KHDRBS2: variants seen among roughly 807,000 people sequenced by gnomAD.
KHDRBS2 encodes KH domain-containing, RNA-binding, signal transduction-associated protein 2.
A neutral mutation model predicts 44.3 loss-of-function variants in KHDRBS2; 26 were observed. The observed-to-expected ratio is 0.59, with a 90% confidence interval of 0.43 to 0.81. The LOEUF is 0.81. Ranked by LOEUF, KHDRBS2 falls within the 40% of genes least tolerant of loss-of-function variation. The pLI is 0.00. For synonymous variants in KHDRBS2, 194 were observed against 151.1 expected, an observed-to-expected ratio of 1.28 and a Z score of -2.08; for missense variants, 476 against 433.1, an observed-to-expected ratio of 1.10 and a Z score of -0.88.
At chr6:62,114,790 C>T (rs1348565162) in intron 2 of KHDRBS2, among the ~76,000 whole-genome samples, 3 of 151,994 alleles carry the variant, frequency 2.0e-5, no homozygotes, top group African/African-American at 4.8e-5. Context: ...CCCTCAACCA[C>T]CCCAATTTTA....
At chr6:61,885,108 C>A (rs1325925516) in intron 6 of KHDRBS2, among the ~76,000 whole-genome samples, 1 of 151,974 alleles carries the variant, frequency 6.6e-6, no homozygotes, top group East Asian at 1.9e-4. Flanking sequence ...TATAGAATTT[C>A]TGTTTTATTA....
At chr6:61,826,516 G>C (rs1482112248) in intron 6 of KHDRBS2, among the ~76,000 whole-genome samples, 1 of 151,894 alleles carries the variant, frequency 6.6e-6, no homozygotes, top group Non-Finnish European at 1.5e-5. Flanking sequence ...AAAGCTTCCT[G>C]CTGTTACTGG....
chr6:61,771,231 C>T (rs1202093295), intron 6 of KHDRBS2, among the ~76,000 whole-genome samples: 1 of 152,206 alleles, frequency 6.6e-6, no homozygotes, highest in Non-Finnish European at 1.5e-5. Context: ...ACTGCAAAAA[C>T]ATGCCAAATC....
chr6:62,138,287 G>A (rs1370458089), intron 2 of KHDRBS2, among the ~76,000 whole-genome samples: 1 of 152,136 alleles, frequency 6.6e-6, no homozygotes. Context: ...TTCAACAGCT[G>A]TGCCCTTGAA....
intron 1 of KHDRBS2, among the ~76,000 whole-genome samples, chr6:62,254,211 T>C (rs559747746): frequency 6.6e-6 from 1 of 152,150 alleles, no homozygotes; most frequent in South Asian, 2.1e-4. Context: ...ATACTTTATA[T>C]TAAAGTGCTA....
chr6:61,988,344 A>G (rs1775463395), intron 3 of KHDRBS2, among the ~76,000 whole-genome samples: 1 of 152,208 alleles, frequency 6.6e-6, no homozygotes. Context: ...GTTTTCCTAC[A>G]TTTCAGTTGC....
intron 6 of KHDRBS2, among the ~76,000 whole-genome samples, chr6:61,732,978 T>C (rs560115761): frequency 1.7e-4 from 26 of 152,300 alleles, no homozygotes; most frequent in African/African-American, 4.3e-4. Context: ...CAGCATATCA[T>C]TGAAGCAGCA....
the KHDRBS2 span, among the ~76,000 whole-genome samples, chr6:61,625,257 A>G: frequency 6.6e-6 from 1 of 151,370 alleles, no homozygotes; most frequent in African/African-American, 2.4e-5. Flanking sequence ...GACTAACTAC[A>G]GAGATGGGGT....
At chr6:62,063,192 C>T (rs1269209332) in intron 2 of KHDRBS2, among the ~76,000 whole-genome samples, 44 of 115,976 alleles carry the variant, frequency 3.8e-4, no homozygotes, top group African/African-American at 1.3e-3. Context: ...CCGAATTCTA[C>T]CAGAGGTACA....
chr6:61,709,103 G>A (rs1260106527), intron 7 of KHDRBS2, among the ~76,000 whole-genome samples: 1 of 151,526 alleles, frequency 6.6e-6, no homozygotes, highest in Admixed American at 6.6e-5. Flanking sequence ...GTACATATCA[G>A]GTGCTCAATA....
intron 4 of KHDRBS2, among the ~76,000 whole-genome samples, chr6:61,928,798 T>C (rs531393316): frequency 6.6e-6 from 1 of 152,212 alleles, no homozygotes; most frequent in African/African-American, 2.4e-5. Context: ...AAAGATAATT[T>C]ATGATATATC....
chr6:62,147,507 A>C (rs1461485981), intron 2 of KHDRBS2, among the ~76,000 whole-genome samples: 1 of 151,658 alleles, frequency 6.6e-6, no homozygotes, highest in East Asian at 1.9e-4. Context: ...TTCTGTGCAG[A>C]GAGGTTGCAG....
chr6:61,853,824 A>C (rs1050353674), intron 6 of KHDRBS2, among the ~76,000 whole-genome samples: 3 of 152,218 alleles, frequency 2.0e-5, no homozygotes, highest in Non-Finnish European at 2.9e-5. Context: ...TCTATCCTGC[A>C]TGACTTTGAT....
chr6:61,713,890 A>G (rs12663403), intron 7 of KHDRBS2, among the ~76,000 whole-genome samples: 27,751 of 151,770 alleles, frequency 0.18, 2,662 homozygotes, highest in Non-Finnish European at 0.2. Context: ...TACTAAAGCC[A>G]ACTCAAGATG....
chr6:62,247,392 T>C (rs1187664494), intron 1 of KHDRBS2, among the ~76,000 whole-genome samples: 4 of 151,872 alleles, frequency 2.6e-5, no homozygotes, highest in South Asian at 2.1e-4. Context: ...AAAGAGAGTA[T>C]ATACTTATAC....
intron 1 of KHDRBS2, among the ~76,000 whole-genome samples, chr6:62,227,742 G>T (rs938453761): frequency 1.3e-5 from 2 of 152,172 alleles, no homozygotes; most frequent in Non-Finnish European, 2.9e-5. Flanking sequence ...AAGCGATGTT[G>T]AATTGTATCG....
At chr6:62,009,419 G>A (rs1779869928) in intron 3 of KHDRBS2, among the ~76,000 whole-genome samples, 1 of 152,162 alleles carries the variant, frequency 6.6e-6, no homozygotes, top group South Asian at 2.1e-4. Flanking sequence ...TGGAATAGTT[G>A]GAGCTTGACA....
intron 2 of KHDRBS2, among the ~76,000 whole-genome samples, chr6:62,070,757 G>T (rs1296222487): frequency 6.6e-6 from 1 of 152,086 alleles, no homozygotes. Flanking sequence ...CATTTGGGTT[G>T]GTTCCAAGTC....
intron 4 of KHDRBS2, among the ~76,000 whole-genome samples, chr6:61,907,024 C>A (rs1283637825): frequency 1.3e-5 from 2 of 152,114 alleles, no homozygotes; most frequent in African/African-American, 4.8e-5. Flanking sequence ...ACATTCCCAC[C>A]AAACAGTGTA....
Sources: gnomAD v4.1 joint callset for allele counts (sites outside exome capture counted in the v4.1 genomes callset) on GRCh38, gnomAD v4.1.1 for gene constraint, MANE v1.5 for transcripts, NCBI Gene and HGNC (gene_info 2026-07-23, HGNC 2026-07-21) for gene names.